Variants in PXMP2 observed in about 807,000 individuals in gnomAD.
The protein encoded by PXMP2 is peroxisomal membrane protein 2.
In PXMP2, 13 loss-of-function variants were observed where a neutral mutation model predicts 20.2. The observed-to-expected ratio is 0.64, with a 90% CI of 0.42 to 1.02. PXMP2 has a LOEUF of 1.02. Ranked by LOEUF, PXMP2 falls within the 50% of genes least tolerant of loss-of-function variation. PXMP2 has a pLI of 0.00. For synonymous variants in PXMP2, 113 were observed against 111.2 expected (o/e 1.02, Z -0.10); for missense variants, 284 against 251.8 (o/e 1.13, Z -0.87).
intron 2 of PXMP2, among the ~76,000 whole-genome samples, chr12:132,694,615 C>T (rs1219004465): frequency 1.9e-5 from 2 of 107,238 alleles, no homozygotes; most frequent in African/African-American, 7.6e-5. Flanking sequence ...TTAGTGAGCT[C>T]CCTTAGCTAG....
chr12:132,697,540 T>C (rs998328866), intron 3 of PXMP2, among the ~76,000 whole-genome samples: 16 of 151,932 alleles, frequency 1.1e-4, no homozygotes, highest in Admixed American at 9.2e-4. Flanking sequence ...CCTGAGTAGC[T>C]GGGATTACAG....
intron 4 of PXMP2, chr12:132,702,418 T>G: frequency 3.0e-6 from 1 of 331,158 alleles, no homozygotes; most frequent in Admixed American, 3.9e-5. Flanking sequence ...ATCAACTGTC[T>G]TTATGCACAG....
rs954529132 is a variant in PXMP2, at chr12:132,696,299, A to C, written c.399+253A>C. 3.9e-5 allele frequency among the ~76,000 whole-genome samples: 6 copies of C among 152,132 alleles called. No homozygotes were observed. The highest frequency in any genetic ancestry group is 8.8e-5 in the Non-Finnish European group (6 of 68,022). On this transcript the variant is annotated intron_variant, in intron 3 of 4. Coordinates refer to ENST00000317479, the MANE Select transcript of PXMP2 (RefSeq NM_018663.3). This position sits in a 1 kb window ranked among gnomAD's most constrained non-coding sequence, Gnocchi z 4.4. ...CACCCAGGCTGCAGTGCAGTAGCAC[A>C]ATCATAGCTCACTGCAAACCTCAAA...
chr12:132,701,481 CTTT>C, intron 4 of PXMP2, 112 bp downstream of exon 4: 1 of 1,365,166 alleles, frequency 7.3e-7, no homozygotes, highest in Non-Finnish European at 9.7e-7. Flanking sequence ...CTCTTCTCTT[CTTT>C]CTTTGGTAGT....
intron 2 of PXMP2, among the ~76,000 whole-genome samples, chr12:132,695,521 C>G (rs910442478): frequency 2.6e-5 from 4 of 152,214 alleles, no homozygotes; most frequent in Non-Finnish European, 5.9e-5. Context: ...GAGGCACAGA[C>G]TAACCTAACA....
intron 4 of PXMP2, among the ~76,000 whole-genome samples, 167 bp from the exon 5 acceptor site, chr12:132,704,452 C>T (rs2043459242): frequency 6.6e-6 from 1 of 152,282 alleles, no homozygotes; most frequent in Admixed American, 6.5e-5. Context: ...TGCTAGGGGC[C>T]TAGCACAGCG....
chr12:132,688,151 G>C, intron 1 of PXMP2: 2 of 194,026 alleles, frequency 1.0e-5, no homozygotes, highest in East Asian at 1.9e-4. Flanking sequence ...AGGGGAGCGG[G>C]TCTGCGGGGC....
At chr12:132,701,813 G>A (rs529947746) in intron 4 of PXMP2, 14 of 202,950 alleles carry the variant, frequency 6.9e-5, no homozygotes, top group African/African-American at 1.2e-4. Context: ...AAAGAAGGCC[G>A]TCACAGTAGC....
In PXMP2 at chr12:132,700,730, C is replaced by T. The variant is rs545704799; in HGVS notation, c.400-520C>T. ...GTATTTGCTTTTGAGCACTTAGTCA[C>T]AAATTCTTTGTCTTGGCGGACGTCC... On this transcript the variant is annotated intron_variant, in intron 3 of 4. Transcript: ENST00000317479. Among the ~76,000 whole-genome samples the T allele has an allele frequency of 5.3e-5, 8 of 152,204 alleles. No individual in the cohort carries two copies. The South Asian group carries it at 1.7e-3, about 32-fold the overall frequency.
At chr12:132,693,587 GCGCCCTTGC>G in intron 2 of PXMP2, among the ~76,000 whole-genome samples, 6 of 80,132 alleles carry the variant, frequency 7.5e-5, no homozygotes, top group African/African-American at 2.6e-4. Context: ...CAGTTAGTGA[GCGCCCTTGC>G]CAGTTAGTTA....
chr12:132,691,611 T>C (rs1394167396), intron 2 of PXMP2, among the ~76,000 whole-genome samples: 1 of 152,226 alleles, frequency 6.6e-6, no homozygotes, highest in East Asian at 1.9e-4. Context: ...TTTTCCATAC[T>C]GTATTTAAAG....
Position 132,696,154 on chromosome 12 carries a change from G to A in PXMP2, c.399+108G>A, listed in dbSNP as rs2043409176. On this transcript the variant is annotated intron_variant, in intron 3 of 4. Transcript: ENST00000317479. This position sits in a 1 kb window ranked among gnomAD's most constrained non-coding sequence, Gnocchi z 4.4. ...GGTCTGCAGATTTTTCACTCAAATT[G>A]AAATTTTGCATTTTCTTTTATGAAT... 2 of 1,314,646 alleles carry A rather than the reference G, an allele frequency of 1.5e-6. No homozygotes were observed. Among genetic ancestry groups the A allele is most frequent in the Non-Finnish European group, 2.0e-6 (2 of 978,320 alleles). The allele number at this position is 1,314,646 out of a possible 1,614,324, so 81.4% of individuals were successfully genotyped here. A position where few individuals can be genotyped will look rare whatever the true frequency, so the allele number is the denominator to read the frequency against.
In PXMP2 at chr12:132,695,872, TG is replaced by T. The variant is rs753419738; in HGVS notation, c.237-7del. 6 of 1,598,034 alleles carry T rather than the reference TG, an allele frequency of 3.8e-6. No homozygotes were observed. The highest frequency in any genetic ancestry group is 4.3e-6 in the Non-Finnish European group (5 of 1,170,312). ...GAACCACAATCTGGCTCACACCCCC[TG>T]GGGGCCTCAGGTTCTTCTTCACAGG... is the stretch of plus-strand genomic sequence containing the variant. On this transcript the variant is annotated splice_polypyrimidine_tract_variant and intron_variant, in intron 2 of 4. Coordinates refer to ENST00000317479, the MANE Select transcript of PXMP2 (RefSeq NM_018663.3).
chr12:132,694,352 TAGTGAGCGCCCTTGCC>T (rs1441572417), intron 2 of PXMP2, among the ~76,000 whole-genome samples: 15 of 83,692 alleles, frequency 1.8e-4, no homozygotes, highest in South Asian at 4.2e-4. Context: ...CCTTGCCAGT[TAGTGAGCGCCCTTGCC>T]AGTTAGTGAG....
At chr12:132,700,129 C>T (rs1312804951) in intron 3 of PXMP2, among the ~76,000 whole-genome samples, 1 of 151,746 alleles carries the variant, frequency 6.6e-6, no homozygotes, top group Non-Finnish European at 1.5e-5. Context: ...GCAACCTCCG[C>T]CTCCCGGGTT....
chr12:132,702,475 AC>A, intron 4 of PXMP2: 2 of 408,752 alleles, frequency 4.9e-6, no homozygotes, highest in South Asian at 1.7e-5. Context: ...GGGGTGCAGC[AC>A]CCCCTGCAGC....
rs780567551 is a variant in PXMP2 at position 132,696,014 on chromosome 12, ATGT to A, written c.372_374del (p.Leu124del). ...CCTCGTCTTTGCACCGGCCTTCCTC[ATGT>A]TGTTCTTCCTCATCATGAACTTTCT... On this transcript the variant is annotated inframe_deletion, in exon 3 of 5. Transcript: ENST00000317479. The surrounding 1 kb of genome is among the most constrained non-coding windows in gnomAD (Gnocchi z 4.4). 1 of 1,609,692 alleles carries A rather than the reference ATGT, an allele frequency of 6.2e-7. No homozygotes were observed. The highest frequency in any genetic ancestry group is 8.5e-7 in the Non-Finnish European group (1 of 1,178,000).
chr12:132,704,034 T>C (rs770750644), intron 4 of PXMP2, among the ~76,000 whole-genome samples: 35 of 152,076 alleles, frequency 2.3e-4, no homozygotes, highest in Non-Finnish European at 4.4e-4. Flanking sequence ...TCAGCAAGCG[T>C]TTCCTGAGCA....
At chr12:132,701,422 T>C in intron 4 of PXMP2, 53 bp downstream of exon 4, 2 of 1,586,608 alleles carry the variant, frequency 1.3e-6, no homozygotes, top group Non-Finnish European at 1.7e-6. Flanking sequence ...AGCCTTTTCC[T>C]TCCTTCCTTC....
Sources: allele counts gnomAD v4.1 joint callset (sites outside exome capture counted in the v4.1 genomes callset), GRCh38; gene constraint gnomAD v4.1.1; non-coding constraint Gnocchi (gnomAD v3.1); transcripts MANE v1.5; gene names NCBI Gene and HGNC (gene_info 2026-07-23, HGNC 2026-07-21).